SLC30A8: variants seen among roughly 807,000 people sequenced by gnomAD.
SLC30A8 encodes the protein proton-coupled zinc antiporter SLC30A8.
A neutral mutation model predicts 36.9 loss-of-function variants in SLC30A8; 27 were observed. That is an observed-to-expected ratio of 0.73 (90% CI 0.54 to 1.01). SLC30A8 has a LOEUF of 1.01. Ranked by LOEUF, SLC30A8 falls within the 50% of genes least tolerant of loss-of-function variation. The probability of loss-of-function intolerance (pLI) is 0.00; values close to 1 mark genes in which losing one functional copy is unlikely to be tolerated. For synonymous variants in SLC30A8, 164 were observed against 172.4 expected (o/e 0.95, Z 0.38); for missense variants, 439 against 452.0 (o/e 0.97, Z 0.26).
At chr8:117,078,187 A>G (rs1818549931) in intron 2 of SLC30A8, among the ~76,000 whole-genome samples, 1 of 152,224 alleles carries the variant, frequency 6.6e-6, no homozygotes, top group African/African-American at 2.4e-5. Context: ...GTCTTAGGTT[A>G]TAGTTTAATT....
At chr8:116,951,541 CT>C (rs977350169) in intron 1 of SLC30A8, among the ~76,000 whole-genome samples, 2 of 152,196 alleles carry the variant, frequency 1.3e-5, no homozygotes, top group Admixed American at 6.5e-5. Flanking sequence ...CAAGTTTCCC[CT>C]ATGACAGCAT....
chr8:117,087,994 GT>G (rs1818948357), intron 2 of SLC30A8, among the ~76,000 whole-genome samples: 1 of 151,850 alleles, frequency 6.6e-6, no homozygotes, highest in Non-Finnish European at 1.5e-5. Context: ...AAAGGTAAAT[GT>G]GTCAAGTGGG....
At chr8:116,952,932 A>G (rs1814046274) in intron 1 of SLC30A8, among the ~76,000 whole-genome samples, 1 of 151,490 alleles carries the variant, frequency 6.6e-6, no homozygotes, top group African/African-American at 2.4e-5. Flanking sequence ...ACCTGGGTAT[A>G]TTGCGTGAGG....
intron 1 of SLC30A8, among the ~76,000 whole-genome samples, chr8:116,977,683 T>G (rs996117911): frequency 6.6e-6 from 1 of 151,978 alleles, no homozygotes; most frequent in East Asian, 1.9e-4. Context: ...GGCTAATTTT[T>G]GTATGTTAAG....
intron 1 of SLC30A8, among the ~76,000 whole-genome samples, chr8:116,977,801 C>A (rs988752997): frequency 2.0e-5 from 3 of 152,140 alleles, no homozygotes; most frequent in African/African-American, 7.2e-5. Flanking sequence ...TGAGCCACCA[C>A]TCCCAGCCTG....
At chr8:117,021,802 GAC>G (rs1017715065) in intron 1 of SLC30A8, among the ~76,000 whole-genome samples, 3 of 152,028 alleles carry the variant, frequency 2.0e-5, no homozygotes, top group African/African-American at 7.2e-5. Flanking sequence ...TTGGTTCAAA[GAC>G]ACACAAGTTA....
chr8:117,016,131 A>G (rs966041538), intron 1 of SLC30A8, among the ~76,000 whole-genome samples: 1 of 152,194 alleles, frequency 6.6e-6, no homozygotes, highest in African/African-American at 2.4e-5. Flanking sequence ...TGTTTAGACC[A>G]GGCAGAAGAA....
At chr8:117,137,268 T>C (rs1300109793) in intron 1 of SLC30A8, among the ~76,000 whole-genome samples, 1 of 152,130 alleles carries the variant, frequency 6.6e-6, no homozygotes, top group Non-Finnish European at 1.5e-5. Flanking sequence ...TCTGTCTCTA[T>C]TAGTTGTGGA....
intron 1 of SLC30A8, among the ~76,000 whole-genome samples, chr8:116,964,355 G>A (rs998867506): frequency 1.3e-5 from 2 of 152,160 alleles, no homozygotes; most frequent in Non-Finnish European, 2.9e-5. Context: ...CAAAAGCGTG[G>A]CTGAACAGAT....
At chr8:117,131,152 C>T (rs2130923597), upstream of SLC30A8, among the ~76,000 whole-genome samples, 1 of 151,960 alleles carries the variant, frequency 6.6e-6, no homozygotes, top group Non-Finnish European at 1.5e-5. Context: ...GCTTTCGGTC[C>T]ATTTTCAAGC....
chr8:117,050,288 TTGG>T (rs1428716045), intron 2 of SLC30A8, among the ~76,000 whole-genome samples: 2 of 152,164 alleles, frequency 1.3e-5, no homozygotes, highest in Non-Finnish European at 2.9e-5. Context: ...AGCAGTAGCC[TTGG>T]TGGTGGCTCG....
chr8:117,094,116 C>T (rs1040349095), intron 2 of SLC30A8, among the ~76,000 whole-genome samples: 1 of 152,250 alleles, frequency 6.6e-6, no homozygotes, highest in Non-Finnish European at 1.5e-5. Flanking sequence ...AAGGGAGCCC[C>T]TAGGTTCGGG....
rs375469351 is a variant in SLC30A8, at chr8:117,125,967, GT to G, written c.-225-9307del. Among the ~76,000 whole-genome samples, 31 of 152,076 alleles carry G rather than the reference GT, an allele frequency of 2.0e-4. No individual in the cohort carries two copies. The South Asian group carries it at 5.6e-3, about 27-fold the overall frequency. On this transcript the variant is annotated intron_variant, in intron 2 of 10. Transcript: ENST00000427715. ...AATAATTGATCTAGTGAATGTCAGAGTTTTTTGTTTTCTCCCAGAATGCATC... is the reference window on the plus strand; with the variant it reads ...AATAATTGATCTAGTGAATGTCAGAGTTTTTGTTTTCTCCCAGAATGCATC...
At chr8:117,022,539 A>G (rs970668844) in intron 1 of SLC30A8, among the ~76,000 whole-genome samples, 6 of 152,220 alleles carry the variant, frequency 3.9e-5, no homozygotes, top group Non-Finnish European at 7.3e-5. Context: ...ATATAGACCA[A>G]TGGAACAGAG....
At chr8:117,156,961 T>G (rs1822522391) in intron 3 of SLC30A8, among the ~76,000 whole-genome samples, 1 of 152,202 alleles carries the variant, frequency 6.6e-6, no homozygotes, top group Non-Finnish European at 1.5e-5. Flanking sequence ...TTTCTAGACC[T>G]TTCTGGGTTT....
chr8:116,952,850 T>TGTTA (rs1554617918), intron 1 of SLC30A8, among the ~76,000 whole-genome samples: 1 of 150,070 alleles, frequency 6.7e-6, no homozygotes, highest in Non-Finnish European at 1.5e-5. Context: ...CAAAGAAGAA[T>TGTTA]TTTATTTATT....
At chr8:117,091,181 C>A (rs1052240807) in intron 2 of SLC30A8, among the ~76,000 whole-genome samples, 2 of 152,238 alleles carry the variant, frequency 1.3e-5, no homozygotes, top group African/African-American at 4.8e-5. Context: ...CATGGTGTAA[C>A]ACCCCTAACT....
intron 1 of SLC30A8, among the ~76,000 whole-genome samples, chr8:116,980,760 T>A (rs113905928): frequency 6.6e-6 from 1 of 152,314 alleles, no homozygotes; most frequent in African/African-American, 2.4e-5. Flanking sequence ...GCAACTACCA[T>A]CACCTTTAGG....
intron 2 of SLC30A8, among the ~76,000 whole-genome samples, chr8:117,064,127 G>A (rs1344596819): frequency 6.6e-6 from 1 of 152,056 alleles, no homozygotes; most frequent in Non-Finnish European, 1.5e-5. Context: ...GAGTAGCTGG[G>A]ATTACAGGTG....
Sources: gnomAD v4.1 joint callset for allele counts (sites outside exome capture counted in the v4.1 genomes callset) on GRCh38, gnomAD v4.1.1 for gene constraint, MANE v1.5 for transcripts, NCBI Gene and HGNC (gene_info 2026-07-23, HGNC 2026-07-21) for gene names.